Variants in ASAP1 observed in about 807,000 individuals in gnomAD.
ASAP1 encodes arf-GAP with SH3 domain, ANK repeat and PH domain-containing protein 1.
In ASAP1, 43 loss-of-function variants were observed where a neutral mutation model predicts 145.2. The observed-to-expected ratio is 0.30, with a 90% CI of 0.23 to 0.38. The LOEUF is 0.38. Among genes scored for constraint, ASAP1 ranks in the 10% least tolerant of loss-of-function variants. ASAP1 has a pLI of 1.00. For missense variants in ASAP1, 1,018 were observed against 1,355.3 expected, an observed-to-expected ratio of 0.75 and a Z score of 3.91; for synonymous variants, 546 against 515.5, an observed-to-expected ratio of 1.06 and a Z score of -0.80.
At chr8:130,133,005 T>C (rs896852864) in intron 15 of ASAP1, among the ~76,000 whole-genome samples, 17 of 151,928 alleles carry the variant, frequency 1.1e-4, no homozygotes, top group Admixed American at 2.6e-4. Flanking sequence ...GAAGTGAGTA[T>C]AAGGCAAAAA....
At chr8:130,219,656 T>C (rs1452235896) in intron 4 of ASAP1, among the ~76,000 whole-genome samples, 1 of 152,056 alleles carries the variant, frequency 6.6e-6, no homozygotes, top group Non-Finnish European at 1.5e-5. Flanking sequence ...TTAGGGTAAG[T>C]AGGTGAGAAA....
chr8:130,084,802 A>G (rs1490687719), intron 25 of ASAP1: 1 of 149,462 alleles, frequency 6.7e-6, no homozygotes, highest in African/African-American at 2.5e-5. Flanking sequence ...AAAACAAAAA[A>G]ACAAAGGAAA....
chr8:130,094,298 T>A (rs891826681), intron 24 of ASAP1, among the ~76,000 whole-genome samples: 1 of 152,064 alleles, frequency 6.6e-6, no homozygotes, highest in Non-Finnish European at 1.5e-5. Flanking sequence ...GCAGCCCTGA[T>A]CTCCTGGGCT....
chr8:130,198,156 CAG>C (rs1244969129), intron 5 of ASAP1, among the ~76,000 whole-genome samples: 1 of 144,448 alleles, frequency 6.9e-6, no homozygotes, highest in Non-Finnish European at 1.5e-5. Context: ...TTTTTTGAGA[CAG>C]AGTCTTACTC....
At chr8:130,102,364 T>A (rs901403256) in intron 24 of ASAP1, among the ~76,000 whole-genome samples, 1 of 152,198 alleles carries the variant, frequency 6.6e-6, no homozygotes, top group Non-Finnish European at 1.5e-5. Flanking sequence ...TCATATGGCT[T>A]TTGTCCTTCA....
intron 11 of ASAP1, among the ~76,000 whole-genome samples, chr8:130,161,851 A>C (rs1165084190): frequency 1.3e-5 from 2 of 152,094 alleles, no homozygotes; most frequent in African/African-American, 2.4e-5. Flanking sequence ...GCCCAGGCTG[A>C]ATGCAATAGT....
At chr8:130,357,304 G>A (rs1160536024) in intron 3 of ASAP1, among the ~76,000 whole-genome samples, 1 of 152,128 alleles carries the variant, frequency 6.6e-6, no homozygotes, top group African/African-American at 2.4e-5. Context: ...AGCTCAAGCA[G>A]GCTGCACCGG....
At chr8:130,341,283 C>G (rs1825365758) in intron 3 of ASAP1, among the ~76,000 whole-genome samples, 1 of 152,274 alleles carries the variant, frequency 6.6e-6, no homozygotes, top group South Asian at 2.1e-4. Context: ...AAACTCCTAT[C>G]CATGACTCAC....
chr8:130,298,136 C>A (rs553124775), intron 3 of ASAP1, among the ~76,000 whole-genome samples: 1 of 152,236 alleles, frequency 6.6e-6, no homozygotes, highest in Admixed American at 6.5e-5. Flanking sequence ...AAATAAATGA[C>A]AAATAGCTAG....
intron 20 of ASAP1, 37 bp downstream of exon 20, chr8:130,118,124 T>C (rs2097559368): frequency 1.3e-6 from 2 of 1,558,550 alleles, no homozygotes; most frequent in African/African-American, 1.4e-5. Context: ...TTATAAGGCA[T>C]ATTCAGGTAA....
chr8:130,379,362 G>C (rs758232023), intron 2 of ASAP1, among the ~76,000 whole-genome samples: 7 of 152,254 alleles, frequency 4.6e-5, no homozygotes, highest in Non-Finnish European at 8.8e-5. Flanking sequence ...GCGTGTTCAG[G>C]GTGGTATGGC....
intron 9 of ASAP1, among the ~76,000 whole-genome samples, chr8:130,169,702 C>T (rs1813448042): frequency 6.6e-6 from 1 of 152,226 alleles, no homozygotes; most frequent in Admixed American, 6.5e-5. Flanking sequence ...ATGCCCAGTA[C>T]TGCACTGAAC....
At chr8:130,228,380 T>C (rs1158259869) in intron 4 of ASAP1, among the ~76,000 whole-genome samples, 1 of 151,990 alleles carries the variant, frequency 6.6e-6, no homozygotes, top group Non-Finnish European at 1.5e-5. Context: ...TGCTGGGTGC[T>C]CCAAAAGTAT....
At chr8:130,165,978 T>A (rs1302187632) in intron 11 of ASAP1, among the ~76,000 whole-genome samples, 3 of 152,192 alleles carry the variant, frequency 2.0e-5, no homozygotes, top group East Asian at 3.8e-4. Context: ...ACTATAAAAA[T>A]GCTGTATTTC....
intron 23 of ASAP1, among the ~76,000 whole-genome samples, chr8:130,114,155 A>G (rs2097551064): frequency 6.6e-6 from 1 of 152,208 alleles, no homozygotes. Flanking sequence ...AATGAACATC[A>G]TTCCTTAATG....
intron 2 of ASAP1, among the ~76,000 whole-genome samples, chr8:130,371,876 G>A (rs1827229222): frequency 6.6e-6 from 1 of 152,202 alleles, no homozygotes; most frequent in African/African-American, 2.4e-5. Context: ...GTACAGAGTT[G>A]AAATCTAATC....
intron 27 of ASAP1, among the ~76,000 whole-genome samples, chr8:130,074,804 C>T (rs188817582): frequency 6.6e-6 from 1 of 152,254 alleles, no homozygotes; most frequent in Admixed American, 6.5e-5. Flanking sequence ...GGTGCTGGGA[C>T]TGCTGGGCAG....
intron 9 of ASAP1, among the ~76,000 whole-genome samples, chr8:130,176,539 T>A (rs1049035341): frequency 5.3e-5 from 8 of 152,144 alleles, no homozygotes; most frequent in African/African-American, 1.9e-4. Context: ...TCTGATGATC[T>A]CTCTCTGACC....
At chr8:130,259,061 A>G (rs1819740457) in intron 3 of ASAP1, among the ~76,000 whole-genome samples, 1 of 152,056 alleles carries the variant, frequency 6.6e-6, no homozygotes, top group South Asian at 2.1e-4. Context: ...AGAACTCTTT[A>G]AAGAAAAAAA....
Sources: allele counts gnomAD v4.1 joint callset (sites outside exome capture counted in the v4.1 genomes callset), GRCh38; gene constraint gnomAD v4.1.1; transcripts MANE v1.5; gene names NCBI Gene and HGNC (gene_info 2026-07-23, HGNC 2026-07-21).